SKAP2: variants seen among roughly 807,000 people sequenced by gnomAD.
SKAP2 encodes src kinase associated phosphoprotein 2.
SKAP2 carries 28 observed loss-of-function variants against 54.9 expected under a neutral mutation model. The ratio of observed to expected loss-of-function variants is 0.51; its 90% CI spans 0.38 to 0.70. The LOEUF (loss-of-function observed/expected upper bound fraction) is 0.70, where lower values mean the gene tolerates loss of function less well. Ranked by LOEUF, SKAP2 falls within the 30% of genes least tolerant of loss-of-function variation. The pLI, the probability that SKAP2 is intolerant of heterozygous loss-of-function variation, is 0.00. For synonymous variants in SKAP2, 137 were observed against 134.3 expected (o/e 1.02, Z -0.14); for missense variants, 356 against 424.1 (o/e 0.84, Z 1.41).
chr7:26,665,391 A>C (rs1194973037), downstream of SKAP2, among the ~76,000 whole-genome samples: 1 of 152,142 alleles, frequency 6.6e-6, no homozygotes, highest in Non-Finnish European at 1.5e-5. Flanking sequence ...AATAAAATCC[A>C]ATCTACTTGT....
rs545828241 is a variant in SKAP2, at chr7:26,771,809, T to G, written c.308-31845A>C. Among the ~76,000 whole-genome samples, 9 of 152,322 alleles carry G rather than the reference T, an allele frequency of 5.9e-5. No individual in the cohort carries two copies. In the South Asian group the frequency reaches 1.9e-3, roughly 32 times the overall value. ...ATGGTCAAAGTAAAAGCTGATGCAC[T>G]TTTATGCAGGTTATTCTTTGAATAT... On this transcript the variant is annotated intron_variant, in intron 4 of 12. Coordinates refer to ENST00000345317, the MANE Select transcript of SKAP2 (RefSeq NM_003930.5).
intron 11 of SKAP2, among the ~76,000 whole-genome samples, chr7:26,670,483 C>T (rs916423612): frequency 6.6e-6 from 1 of 152,006 alleles, no homozygotes; most frequent in African/African-American, 2.4e-5. Flanking sequence ...CTCTCGGGGA[C>T]ACTCTCTCTC....
chr7:26,750,892 T>C (rs1164425234), intron 4 of SKAP2, among the ~76,000 whole-genome samples: 1 of 152,194 alleles, frequency 6.6e-6, no homozygotes. Flanking sequence ...TATCTTTACA[T>C]AGGCCATAGG....
intron 4 of SKAP2, among the ~76,000 whole-genome samples, chr7:26,822,389 A>G (rs1001970061): frequency 6.6e-6 from 1 of 152,094 alleles, no homozygotes; most frequent in Non-Finnish European, 1.5e-5. Context: ...GGTGATCTAT[A>G]ATCAGTGATC....
At chr7:26,727,440 G>A (rs1787732278) in intron 6 of SKAP2, among the ~76,000 whole-genome samples, 1 of 151,912 alleles carries the variant, frequency 6.6e-6, no homozygotes, top group South Asian at 2.1e-4. Context: ...CCAAAAAGAA[G>A]CTTCTAAAAC....
chr7:26,706,244 A>G (rs1787152975), intron 9 of SKAP2, among the ~76,000 whole-genome samples: 1 of 152,174 alleles, frequency 6.6e-6, no homozygotes, highest in South Asian at 2.1e-4. Context: ...GAAATTGCCA[A>G]TATTTTCCTA....
At chr7:26,720,871 A>C (rs2127954103) in intron 9 of SKAP2, among the ~76,000 whole-genome samples, 1 of 152,254 alleles carries the variant, frequency 6.6e-6, no homozygotes, top group South Asian at 2.1e-4. Context: ...TGGGGATTTT[A>C]TGGGTACTAC....
chr7:26,663,533 C>T (rs1311232338), downstream of SKAP2, among the ~76,000 whole-genome samples: 1 of 152,120 alleles, frequency 6.6e-6, no homozygotes, highest in Admixed American at 6.6e-5. Context: ...CATATCTCAA[C>T]AAGCAAAAGT....
intron 4 of SKAP2, among the ~76,000 whole-genome samples, chr7:26,814,174 T>A (rs1488715199): frequency 6.6e-6 from 1 of 152,230 alleles, no homozygotes. Flanking sequence ...TGTAGGAAAC[T>A]GTGAGAACAT....
chr7:26,736,997 G>A lies in SKAP2; in HGVS notation c.469+1798C>T, dbSNP rs111859617. ...TAGTGTTTGAAGTAAATATTAACACGCTTTGGGTTTTGGGGAAACTCTTGC... is the reference window on the plus strand; with the variant it reads ...TAGTGTTTGAAGTAAATATTAACACACTTTGGGTTTTGGGGAAACTCTTGC... On this transcript the variant is annotated intron_variant, in intron 6 of 12. Transcript: ENST00000345317. Among the ~76,000 whole-genome samples the A allele has an allele frequency of 3.5e-3, 533 of 151,930 alleles. 2 individuals are homozygous for A. The highest frequency in any genetic ancestry group is 0.012 in the African/African-American group (503 of 41,434).
intron 4 of SKAP2, among the ~76,000 whole-genome samples, chr7:26,826,984 T>C (rs1177099957): frequency 1.3e-5 from 2 of 152,218 alleles, no homozygotes; most frequent in African/African-American, 4.8e-5. Context: ...TATTAGGGGA[T>C]TATAACATAC....
chr7:26,765,255 T>C (rs1783025544), intron 4 of SKAP2, among the ~76,000 whole-genome samples: 1 of 152,226 alleles, frequency 6.6e-6, no homozygotes, highest in African/African-American at 2.4e-5. Flanking sequence ...CCTTCATATG[T>C]TTTTTGGCCA....
intron 9 of SKAP2, among the ~76,000 whole-genome samples, chr7:26,717,204 G>A (rs2127952560): frequency 6.6e-6 from 1 of 152,186 alleles, no homozygotes; most frequent in Non-Finnish European, 1.5e-5. Flanking sequence ...CAGGGGAAGT[G>A]GAGGATGGCT....
At chr7:26,724,512 C>T (rs1787654686) in intron 9 of SKAP2, among the ~76,000 whole-genome samples, 1 of 152,068 alleles carries the variant, frequency 6.6e-6, no homozygotes, top group African/African-American at 2.4e-5. Flanking sequence ...TAATTTGGAA[C>T]ATTTTAAGTA....
At chr7:26,823,425 C>A (rs77011985) in intron 4 of SKAP2, among the ~76,000 whole-genome samples, 1,217 of 93,254 alleles carry the variant, frequency 0.013, no homozygotes, top group African/African-American at 0.022. Flanking sequence ...GACTTTGTCT[C>A]AAAAAAAAAA....
intron 4 of SKAP2, among the ~76,000 whole-genome samples, chr7:26,757,662 T>C (rs1304069735): frequency 6.6e-6 from 1 of 152,202 alleles, no homozygotes; most frequent in East Asian, 1.9e-4. Flanking sequence ...TGCGGGCTCT[T>C]TTTTGGTTCC....
chr7:26,808,352 A>G (rs1263801949), intron 4 of SKAP2, among the ~76,000 whole-genome samples: 1 of 152,228 alleles, frequency 6.6e-6, no homozygotes, highest in African/African-American at 2.4e-5. Flanking sequence ...GCTAAGTAAA[A>G]TAAGCCAGAC....
chr7:26,713,923 T>C (rs1029088780), intron 9 of SKAP2, among the ~76,000 whole-genome samples: 3 of 152,144 alleles, frequency 2.0e-5, no homozygotes, highest in African/African-American at 7.2e-5. Flanking sequence ...GTAAATATAA[T>C]ATGTAAACAA....
intron 3 of SKAP2, among the ~76,000 whole-genome samples, chr7:26,852,278 T>C (rs934998538): frequency 4.7e-4 from 72 of 152,218 alleles, no homozygotes; most frequent in Admixed American, 2.6e-4. Context: ...AGATGTACTA[T>C]ATATTGAATA....
Sources: gnomAD v4.1 joint callset for allele counts (sites outside exome capture counted in the v4.1 genomes callset) on GRCh38, gnomAD v4.1.1 for gene constraint, MANE v1.5 for transcripts, NCBI Gene and HGNC (gene_info 2026-07-23, HGNC 2026-07-21) for gene names.